Variants in CCDC157 observed in about 807,000 individuals in gnomAD.
CCDC157 encodes the protein coiled-coil domain containing 157.
A neutral mutation model predicts 70.9 loss-of-function variants in CCDC157; 60 were observed. The ratio of observed to expected loss-of-function variants is 0.85; its 90% CI spans 0.69 to 1.05. The LOEUF (loss-of-function observed/expected upper bound fraction) is 1.05, where lower values mean the gene tolerates loss of function less well. Among genes scored for constraint, CCDC157 ranks in the 50% least tolerant of loss-of-function variants. The pLI is 0.00. For missense variants in CCDC157, 943 were observed against 984.2 expected (o/e 0.96, Z 0.56); for synonymous variants, 373 against 422.4 (o/e 0.88, Z 1.43).
chr22:30,376,730 GGA>G lies in CCDC157; in HGVS notation c.2246_2247del (p.Glu749AlafsTer23). On this transcript the variant is annotated frameshift_variant, in exon 12 of 12. Coordinates refer to ENST00000338306, the MANE Select transcript of CCDC157 (RefSeq NM_001017437.5). LOFTEE classifies it high-confidence loss of function. Reference protein sequence around the residue: ...GQASSAHQPQERPM With the variant: ...GQASSAHQPQXRPM ...AGGCCAGCTCTGCACACCAGCCCCA[GGA>G]GCGGCCCATGTAGCCTGTGGCCCAG... 1 of 1,612,634 alleles carries G rather than the reference GGA, an allele frequency of 6.2e-7. No individual in the cohort carries two copies. Among genetic ancestry groups the G allele is most frequent in the Non-Finnish European group, 8.5e-7 (1 of 1,179,616 alleles).
Position 30,371,712 on chromosome 22 carries a change from T to C in CCDC157, c.1108T>C (p.Ser370Pro). The change falls in exon 6 of 12, where the codon TCC becomes CCC. Residue 370 changes from serine (S) to proline (P), a missense_variant. By Grantham distance (74) the Ser-to-Pro change is moderately conservative. Coordinates refer to ENST00000338306, the MANE Select transcript of CCDC157 (RefSeq NM_001017437.5). ...LERELKQQRE[S>P]TQAVEAKAQQ... ...GAGAGAACTGAAACAGCAGCGGGAG[T>C]CCACACAGGCTGTGGGTAAGGAGCC... 2 of 1,613,410 alleles carry C rather than the reference T, an allele frequency of 1.2e-6. No individual in the cohort carries two copies. The highest frequency in any genetic ancestry group is 1.7e-6 in the Non-Finnish European group (2 of 1,179,726).
At chr22:30,356,764 G>T (rs1375663376), upstream of CCDC157, 1 of 1,479,276 alleles carries the variant, frequency 6.8e-7, no homozygotes, top group South Asian at 1.3e-5. Flanking sequence ...CGGCGGCGGG[G>T]GCACCGCCTG....
Position 30,376,239 on chromosome 22 carries a change from C to CT in CCDC157, c.1858-5dup, listed in dbSNP as rs35246021. On this transcript the variant is annotated intron_variant, in intron 10 of 11. Transcript: ENST00000338306. ...GACTCCTGGGCCCTTATAAGACTGG[C>CT]TTTTTTTTTTTTTTTGTAGCTGATC... 0.092 allele frequency: 129,559 copies of CT among 1,402,432 alleles called. 543 individuals carry two copies. The highest frequency in any genetic ancestry group is 0.1 in the East Asian group (4,182 of 41,272). The allele number at this position is 1,402,432 out of a possible 1,614,324, so 86.9% of individuals were successfully genotyped here. A position where few individuals can be genotyped will look rare whatever the true frequency, so the allele number is the denominator to read the frequency against.
chr22:30,357,439 T>C (rs1350585379), intron 1 of CCDC157, among the ~76,000 whole-genome samples: 1 of 152,220 alleles, frequency 6.6e-6, no homozygotes, highest in East Asian at 1.9e-4. Context: ...CTGCCTTCCG[T>C]AGTCCCGCCC....
In CCDC157 at chr22:30,366,160, G is replaced by A. The variant is rs1413153832; in HGVS notation, c.160G>A (p.Ala54Thr). ...DRMACDLDMVALLEHYDHVPG... is the reference protein window; with the variant it reads ...DRMACDLDMVTLLEHYDHVPG... ...CATGGCCTGTGACCTCGACATGGTG[G>A]CCCTGCTGGAGCACTATGACCATGT... Residue 54 changes from alanine to threonine, a missense_variant, in exon 3 of 12, where the codon GCC becomes ACC. Transcript: ENST00000338306. 1.2e-6 allele frequency: 2 copies of A among 1,613,816 alleles called. No homozygotes were observed. The highest frequency in any genetic ancestry group is 1.7e-6 in the Non-Finnish European group (2 of 1,180,030).
chr22:30,358,225 C>A (rs986492951), intron 1 of CCDC157, among the ~76,000 whole-genome samples: 3 of 152,196 alleles, frequency 2.0e-5, no homozygotes, highest in Non-Finnish European at 4.4e-5. Context: ...CCACACACAT[C>A]GTAGCTGTGT....
Position 30,372,236 on chromosome 22 carries a change from G to T in CCDC157, c.1285G>T (p.Glu429Ter), listed in dbSNP as rs1307954162. The T allele has an allele frequency of 6.2e-7, 1 of 1,600,452 alleles. No individual in the cohort carries two copies. The highest frequency in any genetic ancestry group is 8.5e-7 in the Non-Finnish European group (1 of 1,176,288). The change falls in exon 7 of 12, where the codon GAG becomes TAG. Residue 429 changes from glutamate to a stop codon, truncating the protein, a stop_gained. Transcript: ENST00000338306. LOFTEE classifies it high-confidence loss of function. ...CCAGCAGGTCTGCTGGGCCAGCACG[G>T]AGCTGGATAAGGAGAAGGCCCGTGT... ...AGQQVCWAST[E>*]LDKEKARVDS...
At position 30,366,300 on chromosome 22, in the gene CCDC157, G is replaced by C. The variant is rs555691517; in HGVS notation, c.248+52G>C. ...TCTCAGGATGCCAGCACCTGCCCCTGAAACCAGTGGCAGCTACGGAAGCCC... is the reference window on the plus strand; with the variant it reads ...TCTCAGGATGCCAGCACCTGCCCCTCAAACCAGTGGCAGCTACGGAAGCCC... On this transcript the variant is annotated intron_variant, in intron 3 of 11. Coordinates refer to ENST00000338306, the MANE Select transcript of CCDC157 (RefSeq NM_001017437.5). 4 of 1,605,048 alleles carry C rather than the reference G, an allele frequency of 2.5e-6. No individual in the cohort carries two copies. The African/African-American group carries it at 5.3e-5, about 21-fold the overall frequency.
At chr22:30,375,928 C>T (rs1005306549) in intron 10 of CCDC157, 3 of 548,782 alleles carry the variant, frequency 5.5e-6, no homozygotes, top group Non-Finnish European at 9.5e-6. Context: ...CGGCTCATGC[C>T]TGTAATCCCA....
chr22:30,371,552 G>A (rs1932941646), intron 5 of CCDC157, 98 bp from the exon 6 acceptor site: 1 of 1,028,678 alleles, frequency 9.7e-7, no homozygotes. Flanking sequence ...CCCTCTGCAG[G>A]CGATGGGCTG....
At chr22:30,357,978 C>T (rs1439298083) in intron 1 of CCDC157, among the ~76,000 whole-genome samples, 2 of 152,162 alleles carry the variant, frequency 1.3e-5, no homozygotes. Flanking sequence ...CTTTAGGCTT[C>T]ACCCCTCACT....
At chr22:30,357,942 G>A (rs114429377) in intron 1 of CCDC157, among the ~76,000 whole-genome samples, 1,863 of 152,130 alleles carry the variant, frequency 0.012, 27 homozygotes, top group African/African-American at 0.042. Flanking sequence ...GGGATTACAC[G>A]CATGAGCCAT....
In CCDC157 at chr22:30,371,841, C is replaced by T. The variant is rs1396119303; in HGVS notation, c.1123+114C>T. On this transcript the variant is annotated intron_variant, in intron 6 of 11. Coordinates refer to ENST00000338306, the MANE Select transcript of CCDC157 (RefSeq NM_001017437.5). ...CCAGGGCAAAGTTGAAGGGAACCAGCCACAGGAGGGTGGGCCTGACCAACC... is the reference window on the plus strand; with the variant it reads ...CCAGGGCAAAGTTGAAGGGAACCAGTCACAGGAGGGTGGGCCTGACCAACC... 3.0e-6 allele frequency: 3 copies of T among 1,013,162 alleles called. No individual in the cohort carries two copies. In the African/African-American group the frequency reaches 4.8e-5, roughly 16 times the overall value. 62.8% of individuals were successfully genotyped at this position (1,013,162 alleles called of 1,614,324 possible). A position where few individuals can be genotyped will look rare whatever the true frequency, so the allele number is the denominator to read the frequency against.
Position 30,377,513 on chromosome 22 carries a change from G to C in CCDC157, c.*768G>C, listed in dbSNP as rs1479170971. The C allele has an allele frequency of 1.3e-5, 2 of 153,880 alleles. No homozygotes were observed. Among genetic ancestry groups the C allele is most frequent in the Non-Finnish European group, 2.9e-5 (2 of 69,082 alleles). The allele number at this position is 153,880 out of a possible 1,614,324, so 9.5% of individuals were successfully genotyped here. On this transcript the variant is annotated 3_prime_UTR_variant, in exon 12 of 12. Coordinates refer to ENST00000338306, the MANE Select transcript of CCDC157 (RefSeq NM_001017437.5). The stretch of plus-strand genomic sequence containing the variant: ...CAGCCTACCCTGAGCCACCTCACCT[G>C]TGAAGGACAATCTCCAAAAACTTGC...
chr22:30,370,591 G>A lies in CCDC157; in HGVS notation c.686G>A (p.Gly229Glu), dbSNP rs199794819. ...VPCDACASVQ[G>E]SLQKVGKVVI... The stretch of plus-strand genomic sequence containing the variant: ...TGTGACGCATGCGCCAGCGTCCAGG[G>A]AAGCCTGCAGAAGGTGGGCAAGGTG... Residue 229 changes from glycine (G) to glutamate (E), a missense_variant, in exon 5 of 12, where the codon GGA becomes GAA. Gly to Glu is a moderately conservative substitution (Grantham distance 98). Coordinates refer to ENST00000338306, the MANE Select transcript of CCDC157 (RefSeq NM_001017437.5). 102 of 1,614,098 alleles carry A rather than the reference G, an allele frequency of 6.3e-5. No homozygotes were observed. The East Asian group carries it at 1.3e-3, about 21-fold the overall frequency.
intron 5 of CCDC157, chr22:30,371,301 C>G (rs765832016): frequency 6.1e-6 from 3 of 493,078 alleles, no homozygotes; most frequent in Non-Finnish European, 1.1e-5. Flanking sequence ...AGAGCAGCCT[C>G]TCTGGTTGTG....
intron 1 of CCDC157, among the ~76,000 whole-genome samples, chr22:30,360,929 C>T (rs1480645573): frequency 2.0e-5 from 3 of 152,098 alleles, no homozygotes; most frequent in Non-Finnish European, 2.9e-5. Flanking sequence ...TGCCTGTAGT[C>T]CCACCTACTC....
In CCDC157 at chr22:30,366,129, T is replaced by C; in HGVS notation, c.129T>C (p.Pro43=). The C allele has an allele frequency of 6.2e-7, 1 of 1,613,682 alleles. No homozygotes were observed. The highest frequency in any genetic ancestry group is 8.5e-7 in the Non-Finnish European group (1 of 1,180,028). The change falls in exon 3 of 12, where the codon CCT becomes CCC. Residue 43 remains proline (P), a synonymous_variant. Coordinates refer to ENST00000338306, the MANE Select transcript of CCDC157 (RefSeq NM_001017437.5). ...GPVRFPSWKF[P]DRMACDLDMV... is the part of the protein sequence containing the mutation. ...TGCGCTTCCCCTCCTGGAAGTTCCCTGACCGCATGGCCTGTGACCTCGACA... is the reference window on the plus strand; with the variant it reads ...TGCGCTTCCCCTCCTGGAAGTTCCCCGACCGCATGGCCTGTGACCTCGACA...
chr22:30,369,575 G>T lies in CCDC157; in HGVS notation c.392G>T (p.Gly131Val). 1.3e-6 allele frequency: 2 copies of T among 1,584,308 alleles called. No individual in the cohort carries two copies. The highest frequency in any genetic ancestry group is 2.7e-5 in the African/African-American group (2 of 73,884). The part of the protein sequence containing the change: ...RRFWDSLLRL[G>V]TLHQQPLPQK... ...TTCTGGGACAGCCTGCTGAGGCTGGGCACGCTCCACCAGCAGCCACTCCCC... is the reference window on the plus strand; with the variant it reads ...TTCTGGGACAGCCTGCTGAGGCTGGTCACGCTCCACCAGCAGCCACTCCCC... Residue 131 changes from glycine (G) to valine (V), a missense_variant, in exon 4 of 12, where the codon GGC (glycine) becomes GTC (valine). By Grantham distance (109) the Gly-to-Val change is moderately radical (BLOSUM62 -3). Coordinates refer to ENST00000338306, the MANE Select transcript of CCDC157 (RefSeq NM_001017437.5).
Sources: gnomAD v4.1 joint callset for allele counts (sites outside exome capture counted in the v4.1 genomes callset) on GRCh38, gnomAD v4.1.1 for gene constraint, MANE v1.5 for transcripts, NCBI Gene and HGNC (gene_info 2026-07-23, HGNC 2026-07-21) for gene names.